The following PSMD6 variants were observed in gnomAD, a reference collection of about 807,000 sequenced individuals.
PSMD6 encodes the protein 26S proteasome non-ATPase regulatory subunit 6.
Under a neutral mutation model 44.9 loss-of-function variants are expected in PSMD6, and 7 were observed. The observed-to-expected ratio is 0.16, with a 90% CI of 0.09 to 0.29. The LOEUF is 0.29. Ranked by LOEUF, PSMD6 falls within the 10% of genes least tolerant of loss-of-function variation. The pLI is 1.00. For synonymous variants in PSMD6, 184 were observed against 172.7 expected (o/e 1.07, Z -0.51); for missense variants, 420 against 482.6 (o/e 0.87, Z 1.21).
chr3:64,013,639 A>C, intron 5 of PSMD6, 32 bp from the exon 6 acceptor site: 2 of 1,557,640 alleles, frequency 1.3e-6, no homozygotes, highest in East Asian at 2.3e-5. Context: ...ATTATAATAG[A>C]CTCTCCGTTT....
intron 2 of PSMD6, among the ~76,000 whole-genome samples, chr3:64,021,684 G>A (rs778242747): frequency 2.8e-4 from 42 of 152,056 alleles, no homozygotes; most frequent in Non-Finnish European, 4.3e-4. Flanking sequence ...GGTGGCGCAC[G>A]CCTGTAATCT....
intron 4 of PSMD6, 44 bp downstream of exon 4, chr3:64,018,771 CAAA>C: frequency 6.6e-7 from 1 of 1,522,896 alleles, no homozygotes; most frequent in East Asian, 2.3e-5. Context: ...TGTATTTAAA[CAAA>C]AAAAACAAGT....
Position 64,010,584 on chromosome 3 carries a change from A to AGTT in PSMD6, c.*83_*84insAAC, listed in dbSNP as rs202088427. ...CAACAATGCAGTATTTATTTTATAC[A>AGTT]GCTGACCTGGGCACATTGTGAAGTA... On this transcript the variant is annotated 3_prime_UTR_variant, in exon 8 of 8. Coordinates refer to ENST00000295901, the MANE Select transcript of PSMD6 (RefSeq NM_014814.3). 7.1e-4 allele frequency: 704 copies of AGTT among 991,360 alleles called. 4 individuals carry two copies. In the African/African-American group the frequency reaches 0.01, roughly 15 times the overall value. The allele number at this position is 991,360 out of a possible 1,614,324, so 61.4% of individuals were successfully genotyped here.
chr3:64,014,036 A>T (rs3816156), intron 5 of PSMD6: 36,916 of 153,200 alleles, frequency 0.24, 5,396 homozygotes, highest in African/African-American at 0.41. Flanking sequence ...ATTTTCAAAA[A>T]GCAACAAAAC....
At chr3:64,018,543 A>G in intron 5 of PSMD6, 56 bp downstream of exon 5, 2 of 1,318,074 alleles carry the variant, frequency 1.5e-6, no homozygotes, top group East Asian at 2.3e-5. Flanking sequence ...TTATTTGCAC[A>G]TAGGATCAGG....
At chr3:64,015,407 C>T (rs948667603) in intron 5 of PSMD6, 2 of 152,130 alleles carry the variant, frequency 1.3e-5, no homozygotes, top group African/African-American at 4.8e-5. Context: ...AAACTGGAAA[C>T]GACCTCGTTT....
chr3:64,018,650 A>G lies in PSMD6; in HGVS notation c.775T>C (p.Tyr259His). The part of the protein sequence containing the change: ...VLHSLPAVRQ[Y>H]LFSLYECRYS... The stretch of plus-strand genomic sequence containing the variant: ...CGGCATTCATAGAGTGAAAACAGAT[A>G]CTGCCGAACTGCTGGAAGACTGTGC... Residue 259 changes from tyrosine (Y) to histidine (H), a missense_variant, in exon 5 of 8, where the codon TAT becomes CAT. Physicochemically the swap from Tyr to His is moderately conservative, Grantham distance 83. This residue lies in a region of PSMD6 where 216 missense variants were observed against 227.0 expected (regional missense o/e 0.95). Coordinates refer to ENST00000295901, the MANE Select transcript of PSMD6 (RefSeq NM_014814.3). 6.2e-7 allele frequency: 1 copy of G among 1,605,312 alleles called. No homozygotes were observed. Among genetic ancestry groups the G allele is most frequent in the Non-Finnish European group, 8.5e-7 (1 of 1,171,978 alleles).
chr3:64,023,726 C>G, upstream of PSMD6: 1 of 1,489,826 alleles, frequency 6.7e-7, no homozygotes, highest in Non-Finnish European at 9.0e-7. Flanking sequence ...AGCTATTTTA[C>G]TTTCCGTTTG....
At chr3:64,011,731 A>T (rs2075957579) in intron 6 of PSMD6, 1 of 152,156 alleles carries the variant, frequency 6.6e-6, no homozygotes, top group Non-Finnish European at 1.5e-5. Context: ...ACTTGTCATC[A>T]AGATGACTTA....
upstream of PSMD6, chr3:64,023,815 C>A: frequency 6.8e-7 from 1 of 1,479,168 alleles, no homozygotes; most frequent in Non-Finnish European, 9.1e-7. Flanking sequence ...CATAGTTTGT[C>A]GAGTCGTTAC....
At chr3:64,023,117 A>C in intron 1 of PSMD6, 158 bp downstream of exon 1, 2 of 1,425,634 alleles carry the variant, frequency 1.4e-6, no homozygotes, top group East Asian at 5.2e-5. Flanking sequence ...GGGTATCCCC[A>C]AACCAAAGCA....
At chr3:64,020,812 A>G (rs1180115024) in intron 2 of PSMD6, among the ~76,000 whole-genome samples, 1 of 152,248 alleles carries the variant, frequency 6.6e-6, no homozygotes, top group Non-Finnish European at 1.5e-5. Context: ...ACCGAGGTTG[A>G]AAACAGAACC....
At chr3:64,022,239 T>A in intron 2 of PSMD6, 79 bp downstream of exon 2, 1 of 1,474,526 alleles carries the variant, frequency 6.8e-7, no homozygotes, top group Non-Finnish European at 9.3e-7. Flanking sequence ...TTAATTTTTT[T>A]AATGAGAAAC....
In PSMD6 at chr3:64,023,431, G is replaced by C. The variant is rs370015259; in HGVS notation, c.-12C>G. ...TTCTCCAGCGGCATCGCGGCGAAGGGGACAGCGGCTGACAGGACACAACTT... is the reference window on the plus strand; with the variant it reads ...TTCTCCAGCGGCATCGCGGCGAAGGCGACAGCGGCTGACAGGACACAACTT... On this transcript the variant is annotated 5_prime_UTR_variant, in exon 1 of 8. Coordinates refer to ENST00000295901, the MANE Select transcript of PSMD6 (RefSeq NM_014814.3). The C allele has an allele frequency of 4.4e-6, 7 of 1,589,354 alleles. No homozygotes were observed. The East Asian group carries it at 1.2e-4, about 26-fold the overall frequency.
intron 2 of PSMD6, 40 bp downstream of exon 2, chr3:64,022,278 C>T: frequency 6.3e-7 from 1 of 1,599,686 alleles, no homozygotes; most frequent in Non-Finnish European, 8.6e-7. Context: ...CCAATTTTAG[C>T]CTATACTAAC....
chr3:64,020,269 A>G (rs920200987), intron 2 of PSMD6, among the ~76,000 whole-genome samples: 3 of 152,208 alleles, frequency 2.0e-5, no homozygotes, highest in Admixed American at 6.5e-5. Flanking sequence ...GGTAACAGTG[A>G]ATAATAAAAG....
At chr3:64,017,554 A>G (rs1203033396) in intron 5 of PSMD6, 1 of 152,242 alleles carries the variant, frequency 6.6e-6, no homozygotes, top group Admixed American at 6.5e-5. Flanking sequence ...CAATTCTACA[A>G]TATAACCTTA....
intron 5 of PSMD6, chr3:64,015,114 C>CTAAT (rs2076021871): frequency 6.6e-6 from 1 of 152,158 alleles, no homozygotes; most frequent in African/African-American, 2.4e-5. Flanking sequence ...CGTATTCTCA[C>CTAAT]TAATAAGAGA....
chr3:64,023,600 C>A, upstream of PSMD6: 1 of 1,410,420 alleles, frequency 7.1e-7, no homozygotes. Flanking sequence ...TGGGCGCCTG[C>A]GCCCCTGTGT....
Sources: allele counts gnomAD v4.1 joint callset (sites outside exome capture counted in the v4.1 genomes callset), GRCh38; gene constraint gnomAD v4.1.1; regional missense constraint gnomAD v4.1.1; transcripts MANE v1.5; gene names NCBI Gene and HGNC (gene_info 2026-07-23, HGNC 2026-07-21).